Variants in R3HDM2 observed in about 807,000 individuals in gnomAD.
R3HDM2 encodes the protein R3H domain-containing protein 2.
A neutral mutation model predicts 124.5 loss-of-function variants in R3HDM2; 38 were observed. The ratio of observed to expected loss-of-function variants is 0.31; its 90% CI spans 0.24 to 0.40. R3HDM2 has a LOEUF of 0.40. Among genes scored for constraint, R3HDM2 ranks in the 10% least tolerant of loss-of-function variants. The probability of loss-of-function intolerance (pLI) is 1.00; values close to 1 mark genes in which losing one functional copy is unlikely to be tolerated. For missense variants in R3HDM2, 869 were observed against 1,236.9 expected, an observed-to-expected ratio of 0.70 and a Z score of 4.46; for synonymous variants, 391 against 448.0, an observed-to-expected ratio of 0.87 and a Z score of 1.61.
intron 2 of R3HDM2, among the ~76,000 whole-genome samples, chr12:57,352,492 C>CT (rs759397684): frequency 0.012 from 1,511 of 125,002 alleles, 17 homozygotes; most frequent in African/African-American, 0.031. Context: ...TAGGCAAACG[C>CT]TTTTTTTTTT....
intron 22 of R3HDM2, 143 bp downstream of exon 22, chr12:57,256,271 G>A (rs2038973558): frequency 1.1e-6 from 1 of 870,714 alleles, no homozygotes; most frequent in Admixed American, 2.6e-5. Flanking sequence ...TGGGAGACAT[G>A]AGTATAGGAG....
chr12:57,409,561 G>C (rs1188201906), intron 1 of R3HDM2, among the ~76,000 whole-genome samples: 1 of 147,570 alleles, frequency 6.8e-6, no homozygotes, highest in Non-Finnish European at 1.5e-5. Context: ...AATACACAGA[G>C]AGCCTACCCA....
At chr12:57,257,021 C>A (rs551600350) in intron 21 of R3HDM2, among the ~76,000 whole-genome samples, 1 of 151,946 alleles carries the variant, frequency 6.6e-6, no homozygotes, top group African/African-American at 2.4e-5. Flanking sequence ...GGTTTCACCA[C>A]GTTGGCCAGG....
At chr12:57,404,873 A>G (rs562087670) in intron 1 of R3HDM2, among the ~76,000 whole-genome samples, 81 of 152,210 alleles carry the variant, frequency 5.3e-4, no homozygotes, top group African/African-American at 1.9e-3. Context: ...TACAGATTTT[A>G]CAAAAAAATA....
intron 2 of R3HDM2, among the ~76,000 whole-genome samples, chr12:57,325,825 G>T (rs960256801): frequency 6.6e-6 from 1 of 151,430 alleles, no homozygotes; most frequent in African/African-American, 2.4e-5. Flanking sequence ...TTACAGGTGT[G>T]AGCCACTGTG....
chr12:57,268,510 T>G, intron 17 of R3HDM2, 53 bp from the exon 18 acceptor site: 1 of 1,577,852 alleles, frequency 6.3e-7, no homozygotes, highest in East Asian at 2.2e-5. Flanking sequence ...ATTGAGCTCA[T>G]GCAGAAACAG....
At chr12:57,413,143 A>T (rs1321648345) in intron 1 of R3HDM2, among the ~76,000 whole-genome samples, 1 of 151,862 alleles carries the variant, frequency 6.6e-6, no homozygotes, top group East Asian at 1.9e-4. Flanking sequence ...ACAGAGTGAG[A>T]CTCTGTCTCA....
In R3HDM2 at chr12:57,299,282, G is replaced by T. The variant is rs984626417; in HGVS notation, c.421+70C>A. On this transcript the variant is annotated intron_variant, in intron 6 of 23. Coordinates refer to ENST00000402412, the MANE Select transcript of R3HDM2 (RefSeq NM_001394031.1). The stretch of plus-strand genomic sequence containing the variant: ...ATTGATGGGCCAGTAAGGCTGGCAG[G>T]TGCCAGGCTTCAGGATAAAAGTAAA... The T allele has an allele frequency of 6.9e-6, 10 of 1,448,310 alleles. No individual in the cohort carries two copies. The South Asian group carries it at 1.3e-4, about 18-fold the overall frequency. The allele number at this position is 1,448,310 out of a possible 1,614,324, so 89.7% of individuals were successfully genotyped here.
intron 3 of R3HDM2, among the ~76,000 whole-genome samples, chr12:57,309,705 T>C (rs2053511380): frequency 6.6e-6 from 1 of 152,228 alleles, no homozygotes; most frequent in African/African-American, 2.4e-5. Context: ...GTACAGTTTA[T>C]TTTTTGGTAA....
chr12:57,334,271 C>T (rs1023985561), intron 2 of R3HDM2, among the ~76,000 whole-genome samples: 1 of 152,180 alleles, frequency 6.6e-6, no homozygotes, highest in African/African-American at 2.4e-5. Flanking sequence ...AAACACCTTA[C>T]ACCATTTTTG....
chr12:57,325,702 C>A (rs571101183), intron 2 of R3HDM2, among the ~76,000 whole-genome samples: 2 of 139,090 alleles, frequency 1.4e-5, no homozygotes, highest in East Asian at 4.3e-4. Flanking sequence ...GCACTACTAT[C>A]CTTAGCTAAT....
intron 2 of R3HDM2, among the ~76,000 whole-genome samples, chr12:57,322,681 T>C (rs768887516): frequency 6.6e-6 from 1 of 152,158 alleles, no homozygotes; most frequent in Non-Finnish European, 1.5e-5. Context: ...ACACAACTCT[T>C]TGTTAGGGTA....
chr12:57,370,498 G>A (rs1425383403), intron 2 of R3HDM2, among the ~76,000 whole-genome samples: 6 of 150,380 alleles, frequency 4.0e-5, no homozygotes, highest in Non-Finnish European at 4.4e-5. Flanking sequence ...AAATTAGCCA[G>A]GCATGGTGGT....
At chr12:57,411,099 A>T (rs1224942083) in intron 1 of R3HDM2, among the ~76,000 whole-genome samples, 1 of 152,234 alleles carries the variant, frequency 6.6e-6, no homozygotes, top group Non-Finnish European at 1.5e-5. Context: ...CACAACTAAT[A>T]AGTTAGTAAG....
At chr12:57,354,537 G>A (rs1045270471) in intron 2 of R3HDM2, among the ~76,000 whole-genome samples, 39 of 151,772 alleles carry the variant, frequency 2.6e-4, no homozygotes, top group African/African-American at 8.5e-4. Context: ...CAAGTGATTC[G>A]CCTGCCTCAG....
intron 3 of R3HDM2, chr12:57,305,811 C>G (rs1028792924): frequency 1.8e-5 from 7 of 394,166 alleles, no homozygotes; most frequent in African/African-American, 2.1e-5. Context: ...TATTGAGTGC[C>G]TGCTATGTGC....
At chr12:57,410,040 AT>A (rs1360802268) in intron 1 of R3HDM2, among the ~76,000 whole-genome samples, 1 of 152,154 alleles carries the variant, frequency 6.6e-6, no homozygotes, top group Non-Finnish European at 1.5e-5. Flanking sequence ...TTTATGAATT[AT>A]TTTTGTTGGT....
At chr12:57,427,945 C>G (rs1280160236) in intron 1 of R3HDM2, among the ~76,000 whole-genome samples, 1 of 151,672 alleles carries the variant, frequency 6.6e-6, no homozygotes, top group Non-Finnish European at 1.5e-5. Context: ...TAGTGAAACC[C>G]TGTGTGTACT....
chr12:57,418,406 C>T (rs2069859397), intron 1 of R3HDM2: 1 of 904,986 alleles, frequency 1.1e-6, no homozygotes, highest in South Asian at 5.1e-5. Flanking sequence ...GTTGCGCAGG[C>T]TGCCGTTGGT....
Sources: gnomAD v4.1 joint callset for allele counts (sites outside exome capture counted in the v4.1 genomes callset) on GRCh38, gnomAD v4.1.1 for gene constraint, MANE v1.5 for transcripts, NCBI Gene and HGNC (gene_info 2026-07-23, HGNC 2026-07-21) for gene names.